Variants in TXNL4B observed in about 807,000 individuals in gnomAD.
TXNL4B encodes thioredoxin-like protein 4B.
TXNL4B carries 12 observed loss-of-function variants against 13.0 expected under a neutral mutation model. The ratio of observed to expected loss-of-function variants is 0.92; its 90% CI spans 0.59 to 1.49. The LOEUF (loss-of-function observed/expected upper bound fraction) is 1.49. Ranked by LOEUF, TXNL4B falls within the 40% of genes most tolerant of loss-of-function variation. TXNL4B has a pLI of 0.00. For synonymous variants in TXNL4B, 59 were observed against 58.9 expected, an observed-to-expected ratio of 1.00 and a Z score of -0.01; for missense variants, 214 against 173.6, an observed-to-expected ratio of 1.23 and a Z score of -1.31.
In TXNL4B at chr16:72,090,604, A is replaced by C; in HGVS notation, c.132+14T>G. 1 of 1,612,878 alleles carries C rather than the reference A, an allele frequency of 6.2e-7. No individual in the cohort carries two copies. Among genetic ancestry groups the C allele is most frequent in the Non-Finnish European group, 8.5e-7 (1 of 1,179,442 alleles). ...ATTATTAATAAAAACCAATTATTTT[A>C]GACATTCACTTACAATATCATCTAG... On this transcript the variant is annotated intron_variant, in intron 2 of 3. Transcript: ENST00000268483.
intron 2 of TXNL4B, chr16:72,090,291 T>G (rs1462444199): frequency 2.2e-6 from 1 of 465,086 alleles, no homozygotes; most frequent in Non-Finnish European, 4.3e-6. Context: ...TTTTTCCTAC[T>G]GGGAAATGGG....
rs1368540152 is a variant in TXNL4B, at chr16:72,086,184, T to TG, written c.*452dup. 6.6e-6 allele frequency: 1 copy of TG among 152,498 alleles called. No homozygotes were observed. Among genetic ancestry groups the TG allele is most frequent in the Non-Finnish European group, 1.5e-5 (1 of 68,578 alleles). 9.4% of individuals were successfully genotyped at this position (152,498 alleles called of 1,614,324 possible). A position where few individuals can be genotyped will look rare whatever the true frequency, so the allele number is the denominator to read the frequency against. On this transcript the variant is annotated 3_prime_UTR_variant, in exon 4 of 4. Coordinates refer to ENST00000268483, the MANE Select transcript of TXNL4B (RefSeq NM_017853.3). ...GAGTCGAGGAACCGGCAAAGGGGTG[T>TG]GGGGGTGTGTGTGTGTGTGTGTGTG...
intron 2 of TXNL4B, chr16:72,090,082 C>T (rs1229799854): frequency 2.2e-6 from 1 of 455,942 alleles, no homozygotes; most frequent in Non-Finnish European, 4.4e-6. Flanking sequence ...GTACGCTCAG[C>T]TCTTACACGG....
chr16:72,094,260 C>T (rs1175273391), upstream of TXNL4B: 2 of 152,670 alleles, frequency 1.3e-5, no homozygotes, highest in Non-Finnish European at 2.9e-5. Flanking sequence ...ATCCTGCTGC[C>T]TGGAGCGGCC....
intron 3 of TXNL4B, among the ~76,000 whole-genome samples, chr16:72,087,665 T>G (rs1193890532): frequency 1.3e-5 from 2 of 150,350 alleles, no homozygotes; most frequent in Non-Finnish European, 3.0e-5. Flanking sequence ...TTTTTTTTTG[T>G]TGTTGTTGTT....
At chr16:72,090,917 T>C in intron 1 of TXNL4B, 131 bp from the exon 2 acceptor site, 1 of 737,302 alleles carries the variant, frequency 1.4e-6, no homozygotes, top group East Asian at 2.9e-5. Flanking sequence ...GGTAACACTG[T>C]GGAGTTTCCC....
chr16:72,087,139 T>C (rs1426223169), intron 3 of TXNL4B, among the ~76,000 whole-genome samples: 1 of 152,258 alleles, frequency 6.6e-6, no homozygotes. Context: ...TTTGCTGTTG[T>C]TGCTTTTGCC....
chr16:72,089,197 G>C, intron 2 of TXNL4B, 59 bp from the exon 3 acceptor site: 1 of 1,465,198 alleles, frequency 6.8e-7, no homozygotes, highest in Non-Finnish European at 9.4e-7. Flanking sequence ...TGTTTCTTCT[G>C]TGAAACTTGT....
At chr16:72,092,380 T>A (rs1240804849) in intron 1 of TXNL4B, among the ~76,000 whole-genome samples, 1 of 149,636 alleles carries the variant, frequency 6.7e-6, no homozygotes, top group Non-Finnish European at 1.5e-5. Context: ...TCCACTGCAC[T>A]CCAGCCTGGG....
At position 72,089,140 on chromosome 16, in the gene TXNL4B, T is replaced by C. The variant is rs1597429713; in HGVS notation, c.133-2A>G. ...TAAGTCAGAAGAGGTCTTAGAAAGC[T>C]GCAAATGACGAGAGAGACAAAGGTT... On this transcript the variant is annotated splice_acceptor_variant, in intron 2 of 3. Coordinates refer to ENST00000268483, the MANE Select transcript of TXNL4B (RefSeq NM_017853.3). LOFTEE classifies it high-confidence loss of function. 1.2e-6 allele frequency: 2 copies of C among 1,605,076 alleles called. No individual in the cohort carries two copies. The highest frequency in any genetic ancestry group is 1.7e-6 in the Non-Finnish European group (2 of 1,174,680).
intron 1 of TXNL4B, among the ~76,000 whole-genome samples, chr16:72,091,757 C>G (rs1336449636): frequency 6.6e-6 from 1 of 152,182 alleles, no homozygotes; most frequent in Non-Finnish European, 1.5e-5. Flanking sequence ...ACACGGCAAA[C>G]AGATCAATTA....
chr16:72,087,326 T>TTCTG (rs1555535718), intron 3 of TXNL4B: 1 of 141,834 alleles, frequency 7.1e-6, no homozygotes, highest in African/African-American at 2.6e-5. Flanking sequence ...CCTTCCAATC[T>TTCTG]TGTGTGTGTG....
In TXNL4B at chr16:72,089,659, T is replaced by C. The variant is rs143186378; in HGVS notation, c.133-521A>G. The stretch of plus-strand genomic sequence containing the variant: ...AACAACACAACTTAGAAATATGTTA[T>C]GTGGATACTGAAATTCCCTAACGTC... On this transcript the variant is annotated intron_variant, in intron 2 of 3. Transcript: ENST00000268483. 2.0e-4 allele frequency among the ~76,000 whole-genome samples: 31 copies of C among 152,360 alleles called. 1 individual carries two copies. The East Asian group carries it at 5.8e-3, about 28-fold the overall frequency.
rs1405352217 is a variant in TXNL4B at position 72,086,604 on chromosome 16, CCTT to C, written c.*30_*32del. On this transcript the variant is annotated 3_prime_UTR_variant, in exon 4 of 4. Coordinates refer to ENST00000268483, the MANE Select transcript of TXNL4B (RefSeq NM_017853.3). ...GATTCAGGTACTGTGTCAAGATGTG[CCTT>C]CTTCTTCATCTTTGACAGCAATTAA... 2.1e-5 allele frequency: 34 copies of C among 1,585,376 alleles called. No homozygotes were observed. The highest frequency in any genetic ancestry group is 2.7e-5 in the Non-Finnish European group (31 of 1,156,222).
At position 72,085,883 on chromosome 16, in the gene TXNL4B, G is replaced by A. The variant is rs934937992; in HGVS notation, c.*754C>T. On this transcript the variant is annotated 3_prime_UTR_variant, in exon 4 of 4. Transcript: ENST00000268483. ...CTGGGCATGGTGGCGGGCGCCTGTA[G>A]TCCCAGCTACTCAGGAGGCTGAAGC... The A allele has an allele frequency of 4.6e-5, 7 of 151,890 alleles. No homozygotes were observed. The highest frequency in any genetic ancestry group is 1.5e-4 in the African/African-American group (6 of 41,290). The allele number at this position is 151,890 out of a possible 1,614,324, so 9.4% of individuals were successfully genotyped here.
chr16:72,087,727 C>T (rs1012771031), intron 3 of TXNL4B, among the ~76,000 whole-genome samples: 2 of 151,874 alleles, frequency 1.3e-5, no homozygotes, highest in South Asian at 2.1e-4. Flanking sequence ...TGTAGTGGTG[C>T]GTTCTCTGCT....
chr16:72,087,661 TTTGTTGTTG>T (rs1029550872), intron 3 of TXNL4B, among the ~76,000 whole-genome samples: 1 of 151,948 alleles, frequency 6.6e-6, no homozygotes, highest in East Asian at 1.9e-4. Flanking sequence ...GTGTTTTTTT[TTTGTTGTTG>T]TTGTTGTTGT....
At chr16:72,089,230 T>C in intron 2 of TXNL4B, 92 bp from the exon 3 acceptor site, 1 of 1,166,678 alleles carries the variant, frequency 8.6e-7, no homozygotes, top group Non-Finnish European at 1.2e-6. Flanking sequence ...GTGTTTTGTT[T>C]GAAAAAACTC....
chr16:72,089,874 G>A (rs1272523133), intron 2 of TXNL4B, among the ~76,000 whole-genome samples: 1 of 152,192 alleles, frequency 6.6e-6, no homozygotes, highest in Non-Finnish European at 1.5e-5. Flanking sequence ...GCACAGGAAG[G>A]TAAAGTAATT....
Sources: gnomAD v4.1 joint callset for allele counts (sites outside exome capture counted in the v4.1 genomes callset) on GRCh38, gnomAD v4.1.1 for gene constraint, MANE v1.5 for transcripts, NCBI Gene and HGNC (gene_info 2026-07-23, HGNC 2026-07-21) for gene names.